The following CNTN3 variants were observed in gnomAD, a reference collection of about 807,000 sequenced individuals.
CNTN3 encodes the protein contactin-3.
CNTN3 carries 60 observed loss-of-function variants against 119.1 expected under a neutral mutation model. That is an observed-to-expected ratio of 0.50 (90% CI 0.41 to 0.62). The LOEUF (loss-of-function observed/expected upper bound fraction) is 0.62, where lower values mean the gene tolerates loss of function less well. Ranked by LOEUF, CNTN3 falls within the 20% of genes least tolerant of loss-of-function variation. The pLI, the probability that CNTN3 is intolerant of heterozygous loss-of-function variation, is 0.00. For synonymous variants in CNTN3, 450 were observed against 438.7 expected (o/e 1.03, Z -0.32); for missense variants, 1,101 against 1,242.4 (o/e 0.89, Z 1.71).
chr3:74,587,209 T>C (rs1359276440), intron 1 of CNTN3, among the ~76,000 whole-genome samples: 1 of 152,076 alleles, frequency 6.6e-6, no homozygotes, highest in Non-Finnish European at 1.5e-5. Context: ...TAAGGATAGA[T>C]ACAAAGGAAG....
intron 1 of CNTN3, among the ~76,000 whole-genome samples, chr3:74,546,837 T>C (rs1703922556): frequency 6.6e-6 from 1 of 152,228 alleles, no homozygotes; most frequent in Non-Finnish European, 1.5e-5. Context: ...ATCTATCCTA[T>C]GAGTTGTGTC....
chr3:74,523,891 C>T (rs1439052058), intron 1 of CNTN3, among the ~76,000 whole-genome samples: 1 of 151,900 alleles, frequency 6.6e-6, no homozygotes, highest in African/African-American at 2.4e-5. Flanking sequence ...GTTAACCCAT[C>T]ACTGGTTGCT....
chr3:74,480,698 A>C (rs2107026643), intron 4 of CNTN3, among the ~76,000 whole-genome samples: 1 of 152,216 alleles, frequency 6.6e-6, no homozygotes, highest in South Asian at 2.1e-4. Context: ...CTGATCTAGA[A>C]GATAAACGAA....
chr3:74,603,068 A>T (rs1057291531), intron 1 of CNTN3, among the ~76,000 whole-genome samples: 1 of 152,132 alleles, frequency 6.6e-6, no homozygotes, highest in African/African-American at 2.4e-5. Flanking sequence ...CAGGGCTGGG[A>T]TGGCCCCTCT....
intron 5 of CNTN3, among the ~76,000 whole-genome samples, chr3:74,387,746 C>T (rs1704787482): frequency 6.6e-6 from 1 of 152,198 alleles, no homozygotes; most frequent in Non-Finnish European, 1.5e-5. Flanking sequence ...AGAGAACTTG[C>T]TTTGACTTTA....
intron 13 of CNTN3, among the ~76,000 whole-genome samples, chr3:74,308,362 G>A (rs1702606792): frequency 6.6e-6 from 1 of 152,186 alleles, no homozygotes; most frequent in African/African-American, 2.4e-5. Flanking sequence ...TTTAAGACAG[G>A]TAAGATGCAA....
At chr3:74,359,307 G>A (rs1704024572) in intron 11 of CNTN3, among the ~76,000 whole-genome samples, 1 of 152,078 alleles carries the variant, frequency 6.6e-6, no homozygotes, top group African/African-American at 2.4e-5. Flanking sequence ...TTATAGATCA[G>A]TATATGTATA....
chr3:74,490,714 C>T (rs1338633519), intron 3 of CNTN3, among the ~76,000 whole-genome samples: 1 of 152,128 alleles, frequency 6.6e-6, no homozygotes, highest in Non-Finnish European at 1.5e-5. Context: ...TTAGTTCGGT[C>T]TTCATCATAC....
chr3:74,378,439 A>G (rs1704536887), intron 5 of CNTN3, among the ~76,000 whole-genome samples: 1 of 152,214 alleles, frequency 6.6e-6, no homozygotes, highest in African/African-American at 2.4e-5. Flanking sequence ...ATAAATGTCT[A>G]CTAATCCATT....
At chr3:74,385,123 T>C (rs540124191) in intron 5 of CNTN3, among the ~76,000 whole-genome samples, 1 of 152,232 alleles carries the variant, frequency 6.6e-6, no homozygotes, top group African/African-American at 2.4e-5. Flanking sequence ...TAATAAATTT[T>C]ATCACTTCTT....
chr3:74,504,421 T>C (rs1157791977), intron 2 of CNTN3, among the ~76,000 whole-genome samples: 1 of 152,166 alleles, frequency 6.6e-6, no homozygotes, highest in Non-Finnish European at 1.5e-5. Flanking sequence ...ATCTATATTC[T>C]AGGTCCCACT....
chr3:74,505,593 A>G (rs772904371), intron 2 of CNTN3, among the ~76,000 whole-genome samples: 1 of 152,084 alleles, frequency 6.6e-6, no homozygotes, highest in South Asian at 2.1e-4. Flanking sequence ...TCCTGAACCA[A>G]CATGAACCAC....
At chr3:74,499,594 A>G in intron 3 of CNTN3, 65 bp downstream of exon 3, 1 of 1,485,354 alleles carries the variant, frequency 6.7e-7, no homozygotes, top group Non-Finnish European at 9.0e-7. Flanking sequence ...GCAAAAAAAA[A>G]TTCACAATCA....
At chr3:74,608,264 T>C (rs1559677546) in intron 1 of CNTN3, among the ~76,000 whole-genome samples, 1 of 152,164 alleles carries the variant, frequency 6.6e-6, no homozygotes. Flanking sequence ...TAGACTATTC[T>C]CGGCTCTATG....
chr3:74,499,424 T>C (rs1703123781), intron 3 of CNTN3, among the ~76,000 whole-genome samples: 1 of 151,948 alleles, frequency 6.6e-6, no homozygotes, highest in Admixed American at 6.6e-5. Flanking sequence ...TATACATCAA[T>C]GAAAAGACAT....
chr3:74,408,144 G>T (rs1304422665), intron 5 of CNTN3, among the ~76,000 whole-genome samples: 1 of 152,148 alleles, frequency 6.6e-6, no homozygotes, highest in East Asian at 1.9e-4. Flanking sequence ...CTCCACTGTG[G>T]GACGGTGCAA....
chr3:74,432,763 G>T (rs995339326), intron 4 of CNTN3, among the ~76,000 whole-genome samples: 3 of 152,110 alleles, frequency 2.0e-5, no homozygotes, highest in African/African-American at 7.2e-5. Flanking sequence ...GTTATTTCTT[G>T]CTCTATTTCC....
intron 13 of CNTN3, among the ~76,000 whole-genome samples, chr3:74,318,309 G>C (rs1702888082): frequency 6.6e-6 from 1 of 152,028 alleles, no homozygotes; most frequent in South Asian, 2.1e-4. Flanking sequence ...AGAGTAGTTT[G>C]ATCGTCTGAA....
intron 11 of CNTN3, among the ~76,000 whole-genome samples, chr3:74,352,197 T>G (rs1047830756): frequency 7.9e-5 from 12 of 152,226 alleles, no homozygotes; most frequent in African/African-American, 2.9e-4. Flanking sequence ...GCTTCTTACC[T>G]GTGTAATCCT....
Sources: allele counts gnomAD v4.1 joint callset (sites outside exome capture counted in the v4.1 genomes callset), GRCh38; gene constraint gnomAD v4.1.1; transcripts MANE v1.5; gene names NCBI Gene and HGNC (gene_info 2026-07-23, HGNC 2026-07-21).